The following LCOR variants were observed in gnomAD, a reference collection of about 807,000 sequenced individuals.
LCOR encodes ligand-dependent corepressor.
In LCOR, 14 loss-of-function variants were observed where a neutral mutation model predicts 64.4. The ratio of observed to expected loss-of-function variants is 0.22; its 90% CI spans 0.14 to 0.34. LCOR has a LOEUF of 0.34. Ranked by LOEUF, LCOR falls within the 10% of genes least tolerant of loss-of-function variation. LCOR has a pLI of 1.00. For synonymous variants in LCOR, 643 were observed against 642.5 expected, an observed-to-expected ratio of 1.00 and a Z score of -0.01; for missense variants, 1,686 against 1,765.3, an observed-to-expected ratio of 0.96 and a Z score of 0.80.
At chr10:96,955,402 T>C in intron 7 of LCOR, 1 of 1,614,198 alleles carries the variant, frequency 6.2e-7, no homozygotes, top group Non-Finnish European at 8.5e-7. Context: ...GTTCGAGGAA[T>C]GGATCTTTCT....
At chr10:96,929,853 A>G (rs1334828530) in intron 4 of LCOR, among the ~76,000 whole-genome samples, 2 of 152,188 alleles carry the variant, frequency 1.3e-5, no homozygotes, top group Non-Finnish European at 2.9e-5. Context: ...CCTAATTTCT[A>G]TATTGTGTCT....
chr10:96,933,205 T>A (rs914465729), intron 4 of LCOR, among the ~76,000 whole-genome samples: 2 of 152,224 alleles, frequency 1.3e-5, no homozygotes, highest in Non-Finnish European at 2.9e-5. Flanking sequence ...GATTGGCAGT[T>A]CATAGCTAAG....
At chr10:96,950,861 G>A (rs1847666047) in intron 6 of LCOR, among the ~76,000 whole-genome samples, 1 of 152,112 alleles carries the variant, frequency 6.6e-6, no homozygotes, top group South Asian at 2.1e-4. Flanking sequence ...GTTGTAAGCA[G>A]TAGTACATTT....
At chr10:96,849,494 G>A (rs1845690677) in intron 2 of LCOR, among the ~76,000 whole-genome samples, 1 of 152,176 alleles carries the variant, frequency 6.6e-6, no homozygotes, top group South Asian at 2.1e-4. Context: ...GCAGCCGCGA[G>A]CCACCACGCC....
chr10:96,932,088 A>C (rs1847271173), intron 4 of LCOR, among the ~76,000 whole-genome samples: 2 of 152,224 alleles, frequency 1.3e-5, no homozygotes, highest in African/African-American at 4.8e-5. Context: ...GAATAAAGCT[A>C]GAATGGCCAG....
intron 5 of LCOR, among the ~76,000 whole-genome samples, chr10:96,947,872 A>T (rs1036071019): frequency 6.6e-6 from 1 of 151,966 alleles, no homozygotes; most frequent in Non-Finnish European, 1.5e-5. Flanking sequence ...CCCTCATTTT[A>T]TTTTTTTAAA....
At position 96,990,360 on chromosome 10, in the gene LCOR, A is replaced by T. The variant is rs570721845; in HGVS notation, c.*5226A>T. On this transcript the variant is annotated 3_prime_UTR_variant, in exon 8 of 8. Coordinates refer to ENST00000421806, the MANE Select transcript of LCOR (RefSeq NM_001346516.2). Reference sequence around the variant, plus strand: ...CACCTCAGCCTCCTGAGTAGCTGGGACTACAGGTGCATGCCACCACACCCA... The same window carrying T: ...CACCTCAGCCTCCTGAGTAGCTGGGTCTACAGGTGCATGCCACCACACCCA... 6.6e-6 allele frequency: 1 copy of T among 151,750 alleles called. No homozygotes were observed. The highest frequency in any genetic ancestry group is 1.9e-4 in the East Asian group (1 of 5,166). The allele number at this position is 151,750 out of a possible 1,614,324, so 9.4% of individuals were successfully genotyped here.
chr10:96,896,990 G>T (rs934350121), intron 2 of LCOR, among the ~76,000 whole-genome samples: 8 of 150,492 alleles, frequency 5.3e-5, no homozygotes, highest in African/African-American at 2.0e-4. Flanking sequence ...TACCTAAAGT[G>T]AAGGAAATCA....
chr10:96,921,883 G>A lies in LCOR; in HGVS notation c.-184+14136G>A, dbSNP rs527427639. ...GGAAATCATCTGACCACATCTGAGC[G>A]TTTATTTCTGGACTATCTATTTCTG... On this transcript the variant is annotated intron_variant, in intron 4 of 7. Coordinates refer to ENST00000421806, the MANE Select transcript of LCOR (RefSeq NM_001346516.2). 9.2e-5 allele frequency among the ~76,000 whole-genome samples: 14 copies of A among 152,340 alleles called. No individual in the cohort carries two copies. In the East Asian group the frequency reaches 1.2e-3, roughly 13 times the overall value.
At chr10:96,940,269 G>A (rs191665003) in intron 4 of LCOR, among the ~76,000 whole-genome samples, 5 of 130,344 alleles carry the variant, frequency 3.8e-5, no homozygotes, top group African/African-American at 5.7e-5. Context: ...ATAAAAGAAT[G>A]TTGGCAAATA....
intron 4 of LCOR, among the ~76,000 whole-genome samples, chr10:96,920,350 G>A (rs923077913): frequency 6.7e-6 from 1 of 148,764 alleles, no homozygotes; most frequent in African/African-American, 2.5e-5. Flanking sequence ...TTTGAATTCG[G>A]TTGTTTCTTG....
chr10:96,983,560 A>G lies in LCOR; in HGVS notation c.3100A>G (p.Lys1034Glu), dbSNP rs757925021. The change falls in exon 8 of 8, where the codon AAA (lysine) becomes GAA (glutamate). Residue 1034 changes from lysine (K) to glutamate (E), a missense_variant. By Grantham distance (56) the Lys-to-Glu change is moderately conservative. This residue lies in a region of LCOR where 1,293 missense variants were observed against 1,410.4 expected (regional missense o/e 0.92). Coordinates refer to ENST00000421806, the MANE Select transcript of LCOR (RefSeq NM_001346516.2). This position sits in a 1 kb window ranked among gnomAD's most constrained non-coding sequence, Gnocchi z 4.5. ...ARAPKSVPRP[K>E]RLTSSTYNLR... ...GGCACCAAAATCGGTGCCAAGGCCT[A>G]AAAGATTGACCTCTTCAACCTACAA... The G allele has an allele frequency of 1.2e-6, 2 of 1,614,174 alleles. No individual in the cohort carries two copies. Among genetic ancestry groups the G allele is most frequent in the South Asian group, 1.1e-5 (1 of 91,084 alleles).
At chr10:96,944,570 G>A (rs970806551) in intron 5 of LCOR, among the ~76,000 whole-genome samples, 12 of 149,926 alleles carry the variant, frequency 8.0e-5, no homozygotes, top group African/African-American at 1.5e-4. Flanking sequence ...TTTAATCACC[G>A]ATAACTAAAT....
chr10:96,952,007 A>G (rs897417738), intron 6 of LCOR, 96 bp from the exon 7 acceptor site: 3 of 789,194 alleles, frequency 3.8e-6, no homozygotes, highest in Non-Finnish European at 6.4e-6. Flanking sequence ...GCTTAGTTGA[A>G]TAAGCCTGCT....
chr10:96,837,269 C>A (rs145954122), intron 2 of LCOR, among the ~76,000 whole-genome samples: 1 of 151,972 alleles, frequency 6.6e-6, no homozygotes, highest in Non-Finnish European at 1.5e-5. Context: ...GGATTACAGG[C>A]ATGAGCCACT....
rs1352018718 is a variant in LCOR, at chr10:96,982,795, G to C, written c.2335G>C (p.Asp779His). Reference protein sequence around the residue: ...GIGKLEGEDGDVKCLSEKDTY... With the variant: ...GIGKLEGEDGHVKCLSEKDTY... ...AGGAAAATTAGAGGGAGAGGACGGT[G>C]ATGTAAAATGCCTGTCAGAAAAAGA... Residue 779 changes from aspartate (D) to histidine (H), a missense_variant, in exon 8 of 8, where the codon GAT becomes CAT. Asp to His is a moderately conservative substitution (Grantham distance 81, BLOSUM62 -1). Transcript: ENST00000421806. 1.2e-6 allele frequency: 2 copies of C among 1,614,078 alleles called. No individual in the cohort carries two copies. Among genetic ancestry groups the C allele is most frequent in the Non-Finnish European group, 1.7e-6 (2 of 1,180,006 alleles).
chr10:96,917,456 A>G (rs1446405544), intron 4 of LCOR, among the ~76,000 whole-genome samples: 2 of 152,232 alleles, frequency 1.3e-5, no homozygotes, highest in Admixed American at 6.5e-5. Context: ...GTAAAATCCC[A>G]TGCTCATTCC....
At chr10:96,833,241 C>T (rs985358947) in intron 1 of LCOR, 165 bp from the exon 2 acceptor site, 13 of 968,380 alleles carry the variant, frequency 1.3e-5, no homozygotes, top group Non-Finnish European at 1.6e-5. Flanking sequence ...GCCGCAGCCT[C>T]GCCCGAATGC....
intron 4 of LCOR, among the ~76,000 whole-genome samples, chr10:96,920,670 G>GTGTA (rs144380071): frequency 1.5e-5 from 2 of 132,882 alleles, no homozygotes; most frequent in Non-Finnish European, 3.1e-5. Context: ...ATGTATATAT[G>GTGTA]TATATATTCA....
Sources: allele counts gnomAD v4.1 joint callset (sites outside exome capture counted in the v4.1 genomes callset), GRCh38; gene constraint gnomAD v4.1.1; regional missense constraint gnomAD v4.1.1; non-coding constraint Gnocchi (gnomAD v3.1); transcripts MANE v1.5; gene names NCBI Gene and HGNC (gene_info 2026-07-23, HGNC 2026-07-21).